The following LAMA5 variants were observed in gnomAD, a reference collection of about 807,000 sequenced individuals.
LAMA5 encodes the protein laminin subunit alpha-5.
A neutral mutation model predicts 433.4 loss-of-function variants in LAMA5; 260 were observed. The observed-to-expected ratio is 0.60, with a 90% CI of 0.54 to 0.66. LAMA5 has a LOEUF of 0.66. Ranked by LOEUF, LAMA5 falls within the 30% of genes least tolerant of loss-of-function variation. The pLI is 0.00. For synonymous variants in LAMA5, 2,620 were observed against 2,226.6 expected (o/e 1.18, Z -4.97); for missense variants, 5,378 against 5,258.5 (o/e 1.02, Z -0.70).
chr20:62,339,806 A>G lies in LAMA5; in HGVS notation c.1478-1198T>C, dbSNP rs995588090. On this transcript the variant is annotated intron_variant, in intron 11 of 79. Coordinates refer to ENST00000252999, the MANE Select transcript of LAMA5 (RefSeq NM_005560.6). ...GTCAGGAAAGGAAATGTTTCAGCAG[A>G]AAAGGAGAAATGATACAAGGGCAGG... Among the ~76,000 whole-genome samples the G allele has an allele frequency of 1.2e-4, 19 of 152,184 alleles. 1 individual carries two copies. The highest frequency in any genetic ancestry group is 3.9e-4 in the African/African-American group (16 of 41,446).
chr20:62,348,283 G>C lies in LAMA5; in HGVS notation c.957-1255C>G, dbSNP rs528918890. ...ATGGAGTAATCTAGTAGAAGCCAGG[G>C]AAGAATGTTAAAAATGGTCATAAAG... On this transcript the variant is annotated intron_variant, in intron 6 of 79. Coordinates refer to ENST00000252999, the MANE Select transcript of LAMA5 (RefSeq NM_005560.6). Among the ~76,000 whole-genome samples the C allele has an allele frequency of 4.7e-4, 72 of 152,298 alleles. No homozygotes were observed. In the South Asian group the frequency reaches 0.015, roughly 32 times the overall value.
rs1367356928 is a variant in LAMA5 at position 62,313,258 on chromosome 20, T to C, written c.8793-8A>G. 4.1e-6 allele frequency: 5 copies of C among 1,221,870 alleles called. No homozygotes were observed. Among genetic ancestry groups the C allele is most frequent in the Non-Finnish European group, 5.3e-6 (5 of 951,330 alleles). 75.7% of individuals were successfully genotyped at this position (1,221,870 alleles called of 1,614,324 possible). ...TCCCCGGTCGACTTGGAGCTGCAGG[T>C]CGGAGATTCTGGGGTCAGCGGAGGG... On this transcript the variant is annotated splice_region_variant and splice_polypyrimidine_tract_variant and intron_variant, in intron 64 of 79. Transcript: ENST00000252999.
At chr20:62,312,097 C>T in intron 69 of LAMA5, 47 bp from the exon 70 acceptor site, 1 of 1,608,786 alleles carries the variant, frequency 6.2e-7, no homozygotes, top group Non-Finnish European at 8.5e-7. Flanking sequence ...GACCCAGACT[C>T]ATTCCAGACA....
Position 62,352,015 on chromosome 20 carries a change from C to G in LAMA5, c.752G>C (p.Arg251Pro). 1 of 1,612,672 alleles carries G rather than the reference C, an allele frequency of 6.2e-7. No individual in the cohort carries two copies. The highest frequency in any genetic ancestry group is 1.1e-5 in the South Asian group (1 of 91,068). Reference sequence around the variant, plus strand: ...GACGTTGGTGGCCTTGGTGAACTCACGTAGCAGCGGCGAGTAGGAGAAATT... The same window carrying G: ...GACGTTGGTGGCCTTGGTGAACTCAGGTAGCAGCGGCGAGTAGGAGAAATT... ...AMNFSYSPLL[R>P]EFTKATNVRL... The change falls in exon 5 of 80, where the codon CGT (arginine) becomes CCT (proline). Residue 251 changes from arginine (R) to proline (P), a missense_variant. Transcript: ENST00000252999.
In LAMA5 at chr20:62,353,216, G is replaced by A; in HGVS notation, c.486C>T (p.Ala162=). ...CCCAGAGGTCCGGCCGGGGTGAGTT[G>A]GCAAACTTGATGAGGACGTAGGCCA... is the stretch of plus-strand genomic sequence containing the variant. ...FHVAYVLIKF[A]NSPRPDLWVL... Residue 162 remains alanine (A), a synonymous_variant, in exon 3 of 80, where the codon GCC becomes GCT. Transcript: ENST00000252999. 2.5e-6 allele frequency: 4 copies of A among 1,594,086 alleles called. No homozygotes were observed. Among genetic ancestry groups the A allele is most frequent in the Non-Finnish European group, 1.7e-6 (2 of 1,171,048 alleles).
In LAMA5 at chr20:62,334,569, C is replaced by G. The variant is rs1397510028; in HGVS notation, c.2535G>C (p.Thr845=). ...GALGQSCEPR[T]GVCRCRPNTQ... Reference sequence around the variant, plus strand: ...TGTTGGGGCGGCACCGGCAGACGCCCGTCCTCGGTTCACAGCTCTGGCCCA... The same window carrying G: ...TGTTGGGGCGGCACCGGCAGACGCCGGTCCTCGGTTCACAGCTCTGGCCCA... Residue 845 remains threonine (T), a synonymous_variant, in exon 21 of 80, where the codon ACG becomes ACC. Transcript: ENST00000252999. 2 of 1,548,514 alleles carry G rather than the reference C, an allele frequency of 1.3e-6. No individual in the cohort carries two copies. The highest frequency in any genetic ancestry group is 1.7e-6 in the Non-Finnish European group (2 of 1,146,770).
At position 62,336,760 on chromosome 20, in the gene LAMA5, C is replaced by T; in HGVS notation, c.2191G>A (p.Ala731Thr). ...EAGSCHPAGL[A>T]PVDPALPEAQ... ...TCAGGAAGGGCAGGATCCACTGGGGCCAGACCGGCAGGGTGGCAAGAGCCA... is the reference window on the plus strand; with the variant it reads ...TCAGGAAGGGCAGGATCCACTGGGGTCAGACCGGCAGGGTGGCAAGAGCCA... Residue 731 changes from alanine (A) to threonine (T), a missense_variant, in exon 17 of 80, where the codon GCC becomes ACC. Physicochemically the swap from Ala to Thr is moderately conservative, Grantham distance 58. Coordinates refer to ENST00000252999, the MANE Select transcript of LAMA5 (RefSeq NM_005560.6). The T allele has an allele frequency of 1.2e-6, 2 of 1,613,030 alleles. No individual in the cohort carries two copies. The highest frequency in any genetic ancestry group is 1.7e-6 in the Non-Finnish European group (2 of 1,179,984).
chr20:62,309,478 G>A lies in LAMA5; in HGVS notation c.10949-3C>T. On this transcript the variant is annotated splice_region_variant and splice_polypyrimidine_tract_variant and intron_variant, in intron 79 of 79. Coordinates refer to ENST00000252999, the MANE Select transcript of LAMA5 (RefSeq NM_005560.6). The stretch of plus-strand genomic sequence containing the variant: ...CCAGGGCTGCACGGCCATGGGCTCT[G>A]GGGGCACAGGGAAGATGGAAGAAGG... The A allele has an allele frequency of 1.3e-6, 2 of 1,573,890 alleles. No individual in the cohort carries two copies. Among genetic ancestry groups the A allele is most frequent in the Non-Finnish European group, 1.7e-6 (2 of 1,168,574 alleles).
rs747172993 is a variant in LAMA5 at position 62,325,429 on chromosome 20, C to A, written c.5416G>T (p.Val1806Phe). 4 of 1,612,496 alleles carry A rather than the reference C, an allele frequency of 2.5e-6. No homozygotes were observed. The Admixed American group carries it at 6.7e-5, about 27-fold the overall frequency. Reference protein sequence around the residue: ...RALFSQISSAVFLRRVALEVA... With the variant: ...RALFSQISSAFFLRRVALEVA... Reference sequence around the variant, plus strand: ...TCCAGTGCCACCCTGCGCAGGAAGACAGCCGAGGAGATCTGTGAGAAGAGG... The same window carrying A: ...TCCAGTGCCACCCTGCGCAGGAAGAAAGCCGAGGAGATCTGTGAGAAGAGG... Residue 1806 changes from valine (V) to phenylalanine (F), a missense_variant, in exon 41 of 80, where the codon GTC becomes TTC. By Grantham distance (50) the Val-to-Phe change is conservative (BLOSUM62 -1). Coordinates refer to ENST00000252999, the MANE Select transcript of LAMA5 (RefSeq NM_005560.6).
intron 11 of LAMA5, among the ~76,000 whole-genome samples, chr20:62,339,931 C>A (rs1163548289): frequency 1.3e-5 from 2 of 152,170 alleles, no homozygotes; most frequent in African/African-American, 4.8e-5. Context: ...GAGGAAACTC[C>A]AGCCATAGCC....
intron 16 of LAMA5, among the ~76,000 whole-genome samples, chr20:62,337,192 CGATACGCGCACCCACTTAT>C (rs2146229583): frequency 6.6e-6 from 1 of 152,158 alleles, no homozygotes; most frequent in East Asian, 1.9e-4. Flanking sequence ...CCCACTTATG[CGATACGCGCACCCACTTAT>C]GCGACACGCG....
chr20:62,336,115 C>T (rs1449525438), intron 18 of LAMA5, among the ~76,000 whole-genome samples: 1 of 141,926 alleles, frequency 7.0e-6, no homozygotes, highest in Non-Finnish European at 1.5e-5. Context: ...TCCCTCAGGG[C>T]ACACTCGCAG....
chr20:62,332,593 TG>T lies in LAMA5; in HGVS notation c.3406del (p.Gln1136SerfsTer38). 2 of 1,594,810 alleles carry T rather than the reference TG, an allele frequency of 1.3e-6. No individual in the cohort carries two copies. The highest frequency in any genetic ancestry group is 1.7e-6 in the Non-Finnish European group (2 of 1,169,174). ...GGGGTGCAGGGAGAGCAGCCCCTGC[TG>T]GGGGGCCCGCTGTGGGGTGTGCACG... The part of the protein sequence containing the change: ...VAVHTPQRAP[Q>X]QGLLSLHPCL... On this transcript the variant is annotated frameshift_variant, in exon 27 of 80. Transcript: ENST00000252999. LOFTEE classifies it high-confidence loss of function.
intron 18 of LAMA5, 41 bp downstream of exon 18, chr20:62,336,299 C>G (rs755711373): frequency 2.8e-6 from 4 of 1,424,528 alleles, no homozygotes; most frequent in Non-Finnish European, 3.9e-6. Flanking sequence ...GCACAGTTCC[C>G]CAAGGAACCC....
At chr20:62,329,492 ATC>A (rs1055011029) in intron 32 of LAMA5, among the ~76,000 whole-genome samples, 10 of 152,084 alleles carry the variant, frequency 6.6e-5, no homozygotes, top group African/African-American at 2.2e-4. Context: ...TGTCTCCCAC[ATC>A]TCTGTCTGCT....
chr20:62,333,788 G>A, intron 23 of LAMA5, 82 bp from the exon 24 acceptor site: 2 of 1,302,784 alleles, frequency 1.5e-6, no homozygotes, highest in South Asian at 1.4e-5. Context: ...TTGGGGATAG[G>A]CTGGTCCTAC....
intron 6 of LAMA5, among the ~76,000 whole-genome samples, chr20:62,349,642 A>AGGGGAT (rs74734827): frequency 0.087 from 701 of 8,100 alleles, 178 homozygotes; most frequent in East Asian, 0.17. Flanking sequence ...GCAGCAACCC[A>AGGGGAT]GGGGATGGGG....
intron 9 of LAMA5, 110 bp from the exon 10 acceptor site, chr20:62,346,325 A>G (rs1983358726): frequency 1.4e-6 from 2 of 1,448,822 alleles, no homozygotes; most frequent in East Asian, 5.0e-5. Flanking sequence ...GATGAGGGCT[A>G]CAGCCAGGCC....
rs1427169904 is a variant in LAMA5, at chr20:62,314,255, C to G, written c.8504+49G>C. On this transcript the variant is annotated intron_variant, in intron 62 of 79. Coordinates refer to ENST00000252999, the MANE Select transcript of LAMA5 (RefSeq NM_005560.6). ...GGAGAGGGGAGAGATGGCGAACGGG[C>G]AAGGGCCCTGCAGTTGGAGGCATCC... 5.0e-6 allele frequency: 8 copies of G among 1,590,066 alleles called. No homozygotes were observed. The Middle Eastern group carries it at 1.1e-3, about 221-fold the overall frequency.
Sources: gnomAD v4.1 joint callset for allele counts (sites outside exome capture counted in the v4.1 genomes callset) on GRCh38, gnomAD v4.1.1 for gene constraint, MANE v1.5 for transcripts, NCBI Gene and HGNC (gene_info 2026-07-23, HGNC 2026-07-21) for gene names.